TRPC4AP: variants seen among roughly 807,000 people sequenced by gnomAD.
TRPC4AP encodes transient receptor potential cation channel subfamily C member 4 associated protein.
A neutral mutation model predicts 99.0 loss-of-function variants in TRPC4AP; 45 were observed. The ratio of observed to expected loss-of-function variants is 0.45; its 90% CI spans 0.36 to 0.58. The LOEUF is 0.58. TRPC4AP is among the 20% of genes least tolerant of loss of function. TRPC4AP has a pLI of 0.00. For synonymous variants in TRPC4AP, 408 were observed against 385.8 expected, an observed-to-expected ratio of 1.06 and a Z score of -0.67; for missense variants, 879 against 985.3, an observed-to-expected ratio of 0.89 and a Z score of 1.44.
At chr20:35,068,679 G>A (rs1346873685) in intron 3 of TRPC4AP, among the ~76,000 whole-genome samples, 1 of 151,960 alleles carries the variant, frequency 6.6e-6, no homozygotes. Context: ...CTGCCACCGT[G>A]CCCATCTAAT....
rs570862538 is a variant in TRPC4AP, at chr20:35,031,864, A to AT, written c.1051+3258dup. On this transcript the variant is annotated intron_variant, in intron 8 of 18. Coordinates refer to ENST00000252015, the MANE Select transcript of TRPC4AP (RefSeq NM_015638.3). ...TATCTACTGCTGAGTCTTTCTAGTGATTTTTTCATCTTGATTATTATACTA... is the reference window on the plus strand; with the variant it reads ...TATCTACTGCTGAGTCTTTCTAGTGATTTTTTTCATCTTGATTATTATACTA... 2.0e-5 allele frequency among the ~76,000 whole-genome samples: 3 copies of AT among 151,102 alleles called. No homozygotes were observed. In the South Asian group the frequency reaches 6.3e-4, roughly 32 times the overall value.
At chr20:35,026,339 T>G (rs1043897832) in intron 8 of TRPC4AP, among the ~76,000 whole-genome samples, 7 of 151,958 alleles carry the variant, frequency 4.6e-5, no homozygotes, top group Non-Finnish European at 1.0e-4. Context: ...CTCAGCCTCT[T>G]GAGTAGCTGG....
intron 3 of TRPC4AP, among the ~76,000 whole-genome samples, chr20:35,059,767 GACGAAGACA>G (rs748363017): frequency 1.2e-3 from 173 of 142,630 alleles, no homozygotes; most frequent in Middle Eastern, 4.0e-3. Flanking sequence ...CGAAGAAGAC[GACGAAGACA>G]AAGAAGATGA....
At chr20:35,032,467 C>CT (rs35808832) in intron 8 of TRPC4AP, among the ~76,000 whole-genome samples, 8,276 of 95,222 alleles carry the variant, frequency 0.087, 616 homozygotes, top group South Asian at 0.13. Context: ...GTTCTTTGAT[C>CT]TTTTTTTTTT....
At chr20:35,011,886 A>T (rs1483063906) in intron 11 of TRPC4AP, among the ~76,000 whole-genome samples, 1 of 152,158 alleles carries the variant, frequency 6.6e-6, no homozygotes, top group African/African-American at 2.4e-5. Context: ...AATGTCTCTC[A>T]CAGACCCCGT....
chr20:35,085,275 T>C (rs2084807541), intron 1 of TRPC4AP, among the ~76,000 whole-genome samples: 1 of 152,230 alleles, frequency 6.6e-6, no homozygotes, highest in Non-Finnish European at 1.5e-5. Flanking sequence ...GCAATTTCTT[T>C]ACTATTTATA....
At chr20:35,009,472 T>C (rs2082585185) in intron 12 of TRPC4AP, among the ~76,000 whole-genome samples, 2 of 132,684 alleles carry the variant, frequency 1.5e-5, no homozygotes, top group South Asian at 4.6e-4. Context: ...TGAGACCCCA[T>C]CTCTACAAAA....
intron 7 of TRPC4AP, among the ~76,000 whole-genome samples, chr20:35,041,281 T>C (rs2083441764): frequency 2.6e-5 from 4 of 152,220 alleles, no homozygotes; most frequent in Admixed American, 2.6e-4. Flanking sequence ...AAGACTTTCC[T>C]CATCCACTCG....
intron 5 of TRPC4AP, among the ~76,000 whole-genome samples, chr20:35,054,415 C>G (rs2083777546): frequency 1.3e-5 from 2 of 152,190 alleles, no homozygotes; most frequent in African/African-American, 4.8e-5. Flanking sequence ...CAACTGCTAA[C>G]TGCATTCTAT....
In TRPC4AP at chr20:35,037,346, CAAAAAAA is replaced by C. The variant is rs71196778; in HGVS notation, c.866-2045_866-2039del. On this transcript the variant is annotated intron_variant, in intron 7 of 18. Coordinates refer to ENST00000252015, the MANE Select transcript of TRPC4AP (RefSeq NM_015638.3). Reference sequence around the variant, plus strand: ...TGGGCGAAAGAGCGAGACTCTGTCTCAAAAAAAAAAAAAAAAAAAAAAAGTCAAACAT... The same window carrying C: ...TGGGCGAAAGAGCGAGACTCTGTCTCAAAAAAAAAAAAAAAAGTCAAACAT... Among the ~76,000 whole-genome samples, 6 of 78,946 alleles carry C rather than the reference CAAAAAAA, an allele frequency of 7.6e-5. No homozygotes were observed. The South Asian group carries it at 2.1e-3, about 28-fold the overall frequency. The allele number at this position is 78,946 out of a possible 152,430, so 51.8% of individuals were successfully genotyped here. A position where few individuals can be genotyped will look rare whatever the true frequency, so the allele number is the denominator to read the frequency against.
At chr20:35,056,253 C>A (rs955506051) in intron 4 of TRPC4AP, among the ~76,000 whole-genome samples, 1 of 152,176 alleles carries the variant, frequency 6.6e-6, no homozygotes, top group Admixed American at 6.5e-5. Flanking sequence ...ATTTCTAGAT[C>A]CTCCATTTTT....
At chr20:35,038,293 A>G (rs540984207) in intron 7 of TRPC4AP, among the ~76,000 whole-genome samples, 6 of 150,480 alleles carry the variant, frequency 4.0e-5, no homozygotes, top group Non-Finnish European at 8.9e-5. Flanking sequence ...TTTTTTTAAC[A>G]TATCAGCTTG....
Position 35,006,294 on chromosome 20 carries a change from C to G in TRPC4AP, c.1827+141G>C, listed in dbSNP as rs181042611. 2.2e-5 allele frequency: 21 copies of G among 956,550 alleles called. No homozygotes were observed. The African/African-American group carries it at 3.4e-4, about 16-fold the overall frequency. 59.3% of individuals were successfully genotyped at this position (956,550 alleles called of 1,614,324 possible). A position where few individuals can be genotyped will look rare whatever the true frequency, so the allele number is the denominator to read the frequency against. The stretch of plus-strand genomic sequence containing the variant: ...AGCACAAAGCCAGACAGAGCAGGTT[C>G]CAATGAATGTTTGCCAAAGACTGCC... On this transcript the variant is annotated intron_variant, in intron 15 of 18. Transcript: ENST00000252015.
intron 1 of TRPC4AP, among the ~76,000 whole-genome samples, chr20:35,085,330 G>A (rs2084809770): frequency 1.3e-5 from 2 of 152,062 alleles, no homozygotes; most frequent in Admixed American, 6.5e-5. Context: ...ATAATAATTT[G>A]GGGCTGGGCA....
At chr20:35,039,465 G>GT (rs1569110893) in intron 7 of TRPC4AP, among the ~76,000 whole-genome samples, 1 of 152,184 alleles carries the variant, frequency 6.6e-6, no homozygotes, top group African/African-American at 2.4e-5. Flanking sequence ...TCCAGTCCTT[G>GT]TAATTCTCAC....
intron 7 of TRPC4AP, among the ~76,000 whole-genome samples, chr20:35,042,157 T>A (rs1254541877): frequency 6.6e-6 from 1 of 152,064 alleles, no homozygotes; most frequent in Admixed American, 6.6e-5. Flanking sequence ...CCCAAAATCA[T>A]AAAGGAGTGG....
intron 8 of TRPC4AP, among the ~76,000 whole-genome samples, chr20:35,032,324 C>T (rs182168089): frequency 6.6e-5 from 10 of 152,050 alleles, no homozygotes; most frequent in Admixed American, 1.3e-4. Flanking sequence ...CACACCTGGC[C>T]TGATTATTAT....
rs35808832 is a variant in TRPC4AP at position 35,032,467 on chromosome 20, CTTTTTTT to C, written c.1051+2649_1051+2655del. On this transcript the variant is annotated intron_variant, in intron 8 of 18. Transcript: ENST00000252015. ...TCAAGCATAGTTTTAGTTCTTTGAT[CTTTTTTT>C]TTTTTTTTTTTTTTTGAGACAGAGT... Among the ~76,000 whole-genome samples the C allele has an allele frequency of 3.6e-3, 339 of 95,234 alleles. 6 individuals carry two copies. In the East Asian group the frequency reaches 0.091, roughly 26 times the overall value. 62.5% of individuals were successfully genotyped at this position (95,234 alleles called of 152,430 possible). A position where few individuals can be genotyped will look rare whatever the true frequency, so the allele number is the denominator to read the frequency against.
In TRPC4AP at chr20:35,078,305, A is replaced by G. The variant is rs2084539038; in HGVS notation, c.169-131T>C. The G allele has an allele frequency of 5.5e-6, 5 of 904,934 alleles. No individual in the cohort carries two copies. In the South Asian group the frequency reaches 7.5e-5, roughly 14 times the overall value. 56.1% of individuals were successfully genotyped at this position (904,934 alleles called of 1,614,324 possible). A position where few individuals can be genotyped will look rare whatever the true frequency, so the allele number is the denominator to read the frequency against. On this transcript the variant is annotated intron_variant, in intron 1 of 18. Transcript: ENST00000252015. ...ATTTATCTCTAAGCACTACTATAAA[A>G]AGCCTCTTTCTATAAATCTTCAAAA...
Sources: allele counts gnomAD v4.1 joint callset (sites outside exome capture counted in the v4.1 genomes callset), GRCh38; gene constraint gnomAD v4.1.1; transcripts MANE v1.5; gene names NCBI Gene and HGNC (gene_info 2026-07-23, HGNC 2026-07-21).